COL23A1: variants seen among roughly 807,000 people sequenced by gnomAD.
COL23A1 encodes collagen alpha-1(XXIII) chain.
In COL23A1, 97 loss-of-function variants were observed where a neutral mutation model predicts 99.3. The ratio of observed to expected loss-of-function variants is 0.98; its 90% CI spans 0.83 to 1.16. COL23A1 has a LOEUF of 1.16. Among genes scored for constraint, COL23A1 ranks in the 50% most tolerant of loss-of-function variants. COL23A1 has a pLI of 0.00. For synonymous variants in COL23A1, 320 were observed against 308.2 expected (o/e 1.04, Z -0.40); for missense variants, 762 against 757.4 (o/e 1.01, Z -0.07).
intron 1 of COL23A1, chr5:178,562,567 A>AG (rs1762633069): frequency 7.4e-6 from 1 of 134,956 alleles, no homozygotes; most frequent in Admixed American, 8.0e-5. Flanking sequence ...AAAAAAAGAA[A>AG]AAAAAAAAAA....
intron 5 of COL23A1, among the ~76,000 whole-genome samples, chr5:178,279,452 G>A (rs890192830): frequency 1.4e-4 from 22 of 152,322 alleles, no homozygotes; most frequent in Non-Finnish European, 2.6e-4. Context: ...CAGACTGAGG[G>A]GTTTGCAAAG....
chr5:178,507,848 C>G (rs1758964923), intron 2 of COL23A1, among the ~76,000 whole-genome samples: 1 of 152,216 alleles, frequency 6.6e-6, no homozygotes, highest in Non-Finnish European at 1.5e-5. Context: ...TTCTTGAGAA[C>G]TGTGGGTTTG....
chr5:178,311,470 G>A (rs1581130892), intron 2 of COL23A1, among the ~76,000 whole-genome samples: 2 of 151,334 alleles, frequency 1.3e-5, no homozygotes, highest in East Asian at 3.9e-4. Flanking sequence ...TTTAATGTAA[G>A]TGGGTTCTTT....
At chr5:178,277,680 G>C (rs73804763) in intron 5 of COL23A1, among the ~76,000 whole-genome samples, 1 of 152,202 alleles carries the variant, frequency 6.6e-6, no homozygotes, top group Non-Finnish European at 1.5e-5. Context: ...GGACCTGCTC[G>C]GTGATGCCTG....
intron 2 of COL23A1, among the ~76,000 whole-genome samples, chr5:178,362,181 C>T (rs139545972): frequency 2.6e-4 from 39 of 152,314 alleles, no homozygotes; most frequent in Non-Finnish European, 4.6e-4. Context: ...CAGAGCGGCT[C>T]CTCCTGTCCC....
intron 2 of COL23A1, among the ~76,000 whole-genome samples, chr5:178,418,040 G>C (rs1312376919): frequency 1.3e-5 from 2 of 152,368 alleles, no homozygotes; most frequent in East Asian, 3.9e-4. Flanking sequence ...GCAGAAGTCA[G>C]GCCTGTGGAG....
chr5:178,512,034 G>A (rs1170772684), intron 2 of COL23A1, among the ~76,000 whole-genome samples: 3 of 152,208 alleles, frequency 2.0e-5, no homozygotes, highest in Non-Finnish European at 2.9e-5. Flanking sequence ...AGAAACCTGA[G>A]TGTCATTTGA....
intron 4 of COL23A1, among the ~76,000 whole-genome samples, chr5:178,289,393 C>T (rs1423938412): frequency 1.3e-5 from 2 of 152,150 alleles, no homozygotes; most frequent in Non-Finnish European, 2.9e-5. Context: ...ACTTGCAATC[C>T]CCTGCATTCA....
intron 2 of COL23A1, among the ~76,000 whole-genome samples, chr5:178,538,245 G>T (rs1292025502): frequency 6.6e-6 from 1 of 152,208 alleles, no homozygotes; most frequent in African/African-American, 2.4e-5. Context: ...GATTCCCGCA[G>T]AAGCTCACAC....
chr5:178,302,083 T>C (rs1449119369), intron 3 of COL23A1, among the ~76,000 whole-genome samples: 1 of 142,922 alleles, frequency 7.0e-6, no homozygotes, highest in Non-Finnish European at 1.5e-5. Context: ...CCGCTCTGTG[T>C]GTGCCGGAGC....
intron 2 of COL23A1, among the ~76,000 whole-genome samples, chr5:178,358,693 A>ATGAG (rs1761997415): frequency 7.5e-6 from 1 of 132,958 alleles, no homozygotes; most frequent in Non-Finnish European, 1.6e-5. Context: ...ATGTGTGTGT[A>ATGAG]TGTATGTGTA....
chr5:178,274,937 T>C (rs905667022), intron 5 of COL23A1, among the ~76,000 whole-genome samples: 3 of 151,494 alleles, frequency 2.0e-5, no homozygotes, highest in South Asian at 4.1e-4. Context: ...GCCTTGGTTC[T>C]GCTTTAAATC....
In COL23A1 at chr5:178,248,173, C is replaced by G. The variant is rs2913852; in HGVS notation, c.1212+19G>C. ...GACTGGGTGTTGGGGGAAGCCCTGA[C>G]CCCCCCATACCCCCTTACCAGGCTC... is the stretch of plus-strand genomic sequence containing the variant. On this transcript the variant is annotated intron_variant, in intron 20 of 28. Coordinates refer to ENST00000390654, the MANE Select transcript of COL23A1 (RefSeq NM_173465.4). 1 of 1,513,950 alleles carries G rather than the reference C, an allele frequency of 6.6e-7. No homozygotes were observed. Among genetic ancestry groups the G allele is most frequent in the Non-Finnish European group, 9.1e-7 (1 of 1,100,240 alleles). 93.8% of individuals were successfully genotyped at this position (1,513,950 alleles called of 1,614,324 possible). A position where few individuals can be genotyped will look rare whatever the true frequency, so the allele number is the denominator to read the frequency against.
chr5:178,477,487 C>G (rs1010022343), intron 2 of COL23A1, among the ~76,000 whole-genome samples: 6 of 152,184 alleles, frequency 3.9e-5, no homozygotes, highest in Non-Finnish European at 7.3e-5. Flanking sequence ...AAATGAAAAG[C>G]AGACAGCAGA....
intron 3 of COL23A1, among the ~76,000 whole-genome samples, chr5:178,291,517 G>A (rs1375659623): frequency 6.6e-6 from 1 of 152,176 alleles, no homozygotes; most frequent in Non-Finnish European, 1.5e-5. Context: ...CCAAGATCAC[G>A]GGCTTTTGAG....
chr5:178,358,234 GTGTGTA>G (rs1262570168), intron 2 of COL23A1, among the ~76,000 whole-genome samples: 9 of 92,690 alleles, frequency 9.7e-5, no homozygotes, highest in African/African-American at 1.4e-4. Context: ...ATGTGTGTAT[GTGTGTA>G]TGTGTATGTG....
At chr5:178,302,963 G>A (rs903597587) in intron 3 of COL23A1, among the ~76,000 whole-genome samples, 1 of 152,206 alleles carries the variant, frequency 6.6e-6, no homozygotes, top group African/African-American at 2.4e-5. Context: ...GTGGCTGCTA[G>A]TTTTCACAAA....
rs147370898 is a variant in COL23A1 at position 178,365,858 on chromosome 5, G to C, written c.362-58939C>G. The stretch of plus-strand genomic sequence containing the variant: ...CTTGTGATGGTCTCCTGGCCACATG[G>C]GGAGCTCCTCGAGGGCAAGGCCTGG... On this transcript the variant is annotated intron_variant, in intron 2 of 28. Transcript: ENST00000390654. This position sits in a 1 kb window ranked among gnomAD's most constrained non-coding sequence, Gnocchi z 5.2. Among the ~76,000 whole-genome samples, 12 of 152,246 alleles carry C rather than the reference G, an allele frequency of 7.9e-5. No individual in the cohort carries two copies. Among genetic ancestry groups the C allele is most frequent in the Non-Finnish European group, 1.5e-4 (10 of 68,010 alleles).
At chr5:178,353,257 T>TAAA (rs11452320) in intron 2 of COL23A1, among the ~76,000 whole-genome samples, 1 of 151,038 alleles carries the variant, frequency 6.6e-6, no homozygotes, top group African/African-American at 2.4e-5. Context: ...ATAACAGTAG[T>TAAA]AAAAAAAAAG....
Sources: gnomAD v4.1 joint callset for allele counts (sites outside exome capture counted in the v4.1 genomes callset) on GRCh38, gnomAD v4.1.1 for gene constraint, Gnocchi (gnomAD v3.1) non-coding constraint, MANE v1.5 for transcripts, NCBI Gene and HGNC (gene_info 2026-07-23, HGNC 2026-07-21) for gene names.